The following C8orf34 variants were observed in gnomAD, a reference collection of about 807,000 sequenced individuals.
The protein encoded by C8orf34 is chromosome 8 open reading frame 34.
Under a neutral mutation model 68.3 loss-of-function variants are expected in C8orf34, and 65 were observed. That is an observed-to-expected ratio of 0.95 (90% CI 0.78 to 1.17). The LOEUF is 1.17. Among genes scored for constraint, C8orf34 ranks in the 50% most tolerant of loss-of-function variants. C8orf34 has a pLI of 0.00. For synonymous variants in C8orf34, 244 were observed against 241.2 expected (o/e 1.01, Z -0.11); for missense variants, 664 against 655.4 (o/e 1.01, Z -0.14).
intron 5 of C8orf34, among the ~76,000 whole-genome samples, chr8:68,497,365 TG>T (rs1288112249): frequency 1.3e-5 from 2 of 152,234 alleles, no homozygotes; most frequent in African/African-American, 4.8e-5. Flanking sequence ...TCAGATACTC[TG>T]TTGGTGAGGC....
intron 1 of C8orf34, among the ~76,000 whole-genome samples, chr8:68,406,944 G>A (rs914570637): frequency 3.3e-5 from 5 of 152,142 alleles, no homozygotes; most frequent in Admixed American, 1.3e-4. Flanking sequence ...CTCACAGAGA[G>A]GAGAGTAAAC....
intron 5 of C8orf34, among the ~76,000 whole-genome samples, chr8:68,498,134 T>C (rs1475066082): frequency 1.3e-5 from 2 of 152,270 alleles, no homozygotes; most frequent in East Asian, 3.9e-4. Flanking sequence ...AGCTCACATT[T>C]GCTTCTGTGA....
intron 10 of C8orf34, among the ~76,000 whole-genome samples, chr8:68,753,231 G>C (rs1822756660): frequency 6.6e-6 from 1 of 152,142 alleles, no homozygotes; most frequent in Admixed American, 6.5e-5. Flanking sequence ...ATGTGATTGT[G>C]AGTGCTGAAT....
intron 8 of C8orf34, among the ~76,000 whole-genome samples, chr8:68,665,693 C>T (rs1819816351): frequency 6.6e-6 from 1 of 152,200 alleles, no homozygotes; most frequent in African/African-American, 2.4e-5. Flanking sequence ...ATGTGGGCTC[C>T]ACACAGACCT....
Position 68,711,861 on chromosome 8 carries a change from A to G in C8orf34, c.1327+2782A>G, listed in dbSNP as rs138032251. 8.8e-3 allele frequency among the ~76,000 whole-genome samples: 1,335 copies of G among 152,286 alleles called. 19 individuals are homozygous for G. Among genetic ancestry groups the G allele is most frequent in the African/African-American group, 0.031 (1,274 of 41,558 alleles). On this transcript the variant is annotated intron_variant, in intron 9 of 13. Coordinates refer to ENST00000518698, the MANE Select transcript of C8orf34 (RefSeq NM_052958.4). ...CACCTGGGAAATTTATTGCAAAAAG[A>G]TCATTACCTGCACACATAGTCATCA...
At chr8:68,525,615 A>G in intron 6 of C8orf34, 1 of 810,502 alleles carries the variant, frequency 1.2e-6, no homozygotes, top group Non-Finnish European at 2.1e-6. Flanking sequence ...ATGAAACCGA[A>G]CTGGTCAGAT....
intron 6 of C8orf34, among the ~76,000 whole-genome samples, chr8:68,531,892 A>G (rs1815261734): frequency 6.6e-6 from 1 of 152,050 alleles, no homozygotes; most frequent in Non-Finnish European, 1.5e-5. Context: ...CAGAATAAGG[A>G]GCATTTCTTC....
At chr8:68,424,921 T>TA (rs1177275630) in intron 1 of C8orf34, among the ~76,000 whole-genome samples, 20 of 151,892 alleles carry the variant, frequency 1.3e-4, no homozygotes, top group Non-Finnish European at 2.6e-4. Context: ...TAATAATAAT[T>TA]ATAATCATAC....
At chr8:68,663,598 C>T (rs529001897) in intron 8 of C8orf34, among the ~76,000 whole-genome samples, 1 of 152,270 alleles carries the variant, frequency 6.6e-6, no homozygotes, top group South Asian at 2.1e-4. Context: ...GGCATCATCC[C>T]TGGTACAATC....
At chr8:68,608,005 G>T (rs1178010065) in intron 7 of C8orf34, among the ~76,000 whole-genome samples, 1 of 151,892 alleles carries the variant, frequency 6.6e-6, no homozygotes, top group African/African-American at 2.4e-5. Context: ...GAACTTTCTG[G>T]TCAAAAAATG....
chr8:68,476,878 A>C (rs937658748), intron 4 of C8orf34, among the ~76,000 whole-genome samples: 23 of 152,208 alleles, frequency 1.5e-4, no homozygotes, highest in Non-Finnish European at 2.9e-5. Context: ...TAAAGTCTGC[A>C]GTTGCTTATC....
chr8:68,737,129 A>G (rs1822143914), intron 10 of C8orf34, among the ~76,000 whole-genome samples: 2 of 152,236 alleles, frequency 1.3e-5, no homozygotes, highest in East Asian at 1.9e-4. Flanking sequence ...TCTCCAAGGC[A>G]TGGCTAAAAC....
At chr8:68,737,660 TA>T (rs919509289) in intron 10 of C8orf34, among the ~76,000 whole-genome samples, 6 of 150,238 alleles carry the variant, frequency 4.0e-5, no homozygotes, top group Admixed American at 2.0e-4. Flanking sequence ...CAACAAAGAT[TA>T]AAAAAAAAGA....
chr8:68,736,397 C>T (rs1008899938), intron 10 of C8orf34, among the ~76,000 whole-genome samples: 4 of 151,926 alleles, frequency 2.6e-5, no homozygotes, highest in Non-Finnish European at 5.9e-5. Flanking sequence ...AGAATGGTAC[C>T]CCCAATCATA....
At chr8:68,445,303 G>A (rs1047247714) in intron 2 of C8orf34, among the ~76,000 whole-genome samples, 1 of 152,042 alleles carries the variant, frequency 6.6e-6, no homozygotes, top group Non-Finnish European at 1.5e-5. Flanking sequence ...ATAAAGCTAG[G>A]GTGGTTTTTA....
chr8:68,715,800 C>T (rs1490471619), intron 9 of C8orf34, among the ~76,000 whole-genome samples: 1 of 152,110 alleles, frequency 6.6e-6, no homozygotes, highest in Non-Finnish European at 1.5e-5. Flanking sequence ...TTTGATCCAG[C>T]AATCCTGTTA....
At chr8:68,738,108 C>T (rs1822174604) in intron 10 of C8orf34, among the ~76,000 whole-genome samples, 1 of 151,966 alleles carries the variant, frequency 6.6e-6, no homozygotes. Flanking sequence ...GTTTCTCGGA[C>T]CATAGCACAA....
At chr8:68,669,612 A>G (rs994338079) in intron 8 of C8orf34, among the ~76,000 whole-genome samples, 30 of 152,340 alleles carry the variant, frequency 2.0e-4, no homozygotes, top group African/African-American at 7.2e-4. Context: ...TTTTGCAAGT[A>G]AGCCATTGTA....
intron 8 of C8orf34, among the ~76,000 whole-genome samples, chr8:68,701,623 G>C (rs775933766): frequency 3.3e-5 from 5 of 151,924 alleles, no homozygotes; most frequent in Non-Finnish European, 5.9e-5. Flanking sequence ...ATTGGTGCAA[G>C]AGCCCCTAAA....
Sources: gnomAD v4.1 joint callset for allele counts (sites outside exome capture counted in the v4.1 genomes callset) on GRCh38, gnomAD v4.1.1 for gene constraint, MANE v1.5 for transcripts, NCBI Gene and HGNC (gene_info 2026-07-23, HGNC 2026-07-21) for gene names.